The following RNF2 variants were observed in gnomAD, a reference collection of about 807,000 sequenced individuals.
RNF2 encodes the protein ring finger protein 2.
Under a neutral mutation model 37.2 loss-of-function variants are expected in RNF2, and 6 were observed. That is an observed-to-expected ratio of 0.16 (90% confidence interval 0.09 to 0.32). The LOEUF (loss-of-function observed/expected upper bound fraction) is 0.32, where lower values mean the gene tolerates loss of function less well. RNF2 is among the 10% of genes least tolerant of loss of function. The pLI is 1.00. For synonymous variants in RNF2, 133 were observed against 132.7 expected, an observed-to-expected ratio of 1.00 and a Z score of -0.02; for missense variants, 251 against 404.0, an observed-to-expected ratio of 0.62 and a Z score of 3.25.
intron 1 of RNF2, among the ~76,000 whole-genome samples, chr1:185,072,959 C>T (rs1050343640): frequency 2.6e-5 from 4 of 151,658 alleles, no homozygotes; most frequent in Non-Finnish European, 5.9e-5. Context: ...AACAAAAAAA[C>T]ATAGTGAACA....
At chr1:185,058,436 A>G (rs1000931449) in intron 1 of RNF2, among the ~76,000 whole-genome samples, 2 of 152,170 alleles carry the variant, frequency 1.3e-5, no homozygotes, top group African/African-American at 4.8e-5. Context: ...CCTTACTTTC[A>G]TCAGATTCTT....
At chr1:185,091,865 G>C (rs1461637540) in intron 3 of RNF2, 126 bp downstream of exon 3, 3 of 872,326 alleles carry the variant, frequency 3.4e-6, no homozygotes, top group African/African-American at 1.7e-5. Context: ...GCCCAGGCTG[G>C]AGTGCAATGG....
At chr1:185,074,817 T>C (rs533402825) in intron 1 of RNF2, among the ~76,000 whole-genome samples, 421 of 152,304 alleles carry the variant, frequency 2.8e-3, no homozygotes, top group Non-Finnish European at 4.4e-3. Flanking sequence ...CTAGAGATGA[T>C]TTAAAGTACA....
chr1:185,072,485 A>T (rs1028618197), intron 1 of RNF2, among the ~76,000 whole-genome samples: 6 of 152,142 alleles, frequency 3.9e-5, no homozygotes, highest in Admixed American at 3.9e-4. Flanking sequence ...AGAACGTGAG[A>T]TAAAGAATTA....
chr1:185,052,706 T>C (rs1650305993), intron 1 of RNF2, among the ~76,000 whole-genome samples: 2 of 152,224 alleles, frequency 1.3e-5, no homozygotes, highest in South Asian at 4.1e-4. Flanking sequence ...GTAAGTTTTT[T>C]TAAAAAATGA....
intron 1 of RNF2, among the ~76,000 whole-genome samples, 159 bp downstream of exon 1, chr1:185,045,808 C>A (rs1650096655): frequency 6.6e-6 from 1 of 152,164 alleles, no homozygotes; most frequent in Non-Finnish European, 1.5e-5. Flanking sequence ...CCGCCCCCGG[C>A]CGCTCTCGCG....
chr1:185,082,464 C>A (rs1168636289), intron 1 of RNF2, among the ~76,000 whole-genome samples: 1 of 151,352 alleles, frequency 6.6e-6, no homozygotes, highest in Non-Finnish European at 1.5e-5. Flanking sequence ...GATCCTCCTG[C>A]CTCAGCCCCC....
chr1:185,068,654 T>TATTG lies in RNF2; in HGVS notation c.-2-18896_-2-18893dup, dbSNP rs558295172. Among the ~76,000 whole-genome samples the TATTG allele has an allele frequency of 8.9e-4, 135 of 152,370 alleles. No individual in the cohort carries two copies. The East Asian group carries it at 0.016, about 18-fold the overall frequency. The stretch of plus-strand genomic sequence containing the variant: ...CAGTACTTTTATTTTGGCCCAGTGA[T>TATTG]ATTGAATTAGGACTTCTGGCCTTCA... On this transcript the variant is annotated intron_variant, in intron 1 of 6. Coordinates refer to ENST00000367510, the MANE Select transcript of RNF2 (RefSeq NM_007212.4).
chr1:185,082,291 C>T (rs143117823), intron 1 of RNF2, among the ~76,000 whole-genome samples: 14 of 150,544 alleles, frequency 9.3e-5, no homozygotes, highest in East Asian at 2.0e-4. Flanking sequence ...TGTCAACTTC[C>T]GCTGGCTGGT....
At chr1:185,074,066 C>T (rs1299170632) in intron 1 of RNF2, among the ~76,000 whole-genome samples, 1 of 152,188 alleles carries the variant, frequency 6.6e-6, no homozygotes, top group Non-Finnish European at 1.5e-5. Context: ...TCACAGAACT[C>T]AGAAAAGCAT....
chr1:185,070,921 G>C (rs1172839778), intron 1 of RNF2, among the ~76,000 whole-genome samples: 1 of 152,184 alleles, frequency 6.6e-6, no homozygotes, highest in Non-Finnish European at 1.5e-5. Context: ...ACAGGCGTGA[G>C]CCACTGCACC....
At position 185,100,447 on chromosome 1, in the gene RNF2, C is replaced by T; in HGVS notation, c.*146C>T. ...CCAGACTAGTTTACGCTATTCAAATCTTTTCCCCTTTATTTAAGATTTCCT... is the reference window on the plus strand; with the variant it reads ...CCAGACTAGTTTACGCTATTCAAATTTTTTCCCCTTTATTTAAGATTTCCT... On this transcript the variant is annotated 3_prime_UTR_variant, in exon 7 of 7. Coordinates refer to ENST00000367510, the MANE Select transcript of RNF2 (RefSeq NM_007212.4). 9.2e-6 allele frequency: 4 copies of T among 434,542 alleles called. No individual in the cohort carries two copies. Among genetic ancestry groups the T allele is most frequent in the Non-Finnish European group, 1.6e-5 (4 of 242,770 alleles). The allele number at this position is 434,542 out of a possible 1,614,324, so 26.9% of individuals were successfully genotyped here. A position where few individuals can be genotyped will look rare whatever the true frequency, so the allele number is the denominator to read the frequency against.
In RNF2 at chr1:185,092,392, G is replaced by T. The variant is rs563836438; in HGVS notation, c.248+653G>T. On this transcript the variant is annotated intron_variant, in intron 3 of 6. Coordinates refer to ENST00000367510, the MANE Select transcript of RNF2 (RefSeq NM_007212.4). Reference sequence around the variant, plus strand: ...GGCTTTCACTGTGTTGGTCAGGCTGGTCTTGAACTCCTGACCTCGTGATCC... The same window carrying T: ...GGCTTTCACTGTGTTGGTCAGGCTGTTCTTGAACTCCTGACCTCGTGATCC... Among the ~76,000 whole-genome samples, 384 of 150,728 alleles carry T rather than the reference G, an allele frequency of 2.5e-3. 3 individuals are homozygous for T. Among genetic ancestry groups the T allele is most frequent in the African/African-American group, 8.9e-3 (365 of 41,004 alleles).
intron 1 of RNF2, among the ~76,000 whole-genome samples, chr1:185,060,573 G>C (rs1650568805): frequency 6.6e-6 from 1 of 152,208 alleles, no homozygotes; most frequent in East Asian, 1.9e-4. Context: ...ATAAGAATGT[G>C]ATGAATTTAG....
chr1:185,092,894 C>G (rs374264610), intron 3 of RNF2, among the ~76,000 whole-genome samples, 167 bp from the exon 4 acceptor site: 6 of 152,102 alleles, frequency 3.9e-5, no homozygotes, highest in African/African-American at 1.2e-4. Context: ...ATCTTGCTTA[C>G]CCACTAGTCA....
At chr1:185,046,923 T>G (rs1290588954) in intron 1 of RNF2, among the ~76,000 whole-genome samples, 1 of 152,220 alleles carries the variant, frequency 6.6e-6, no homozygotes, top group African/African-American at 2.4e-5. Context: ...AGAGTTTGCT[T>G]CTTATAGTGA....
chr1:185,098,035 A>C, intron 4 of RNF2, 37 bp from the exon 5 acceptor site: 1 of 1,602,470 alleles, frequency 6.2e-7, no homozygotes, highest in Non-Finnish European at 8.5e-7. Context: ...AAGGCCTAAA[A>C]GTAAATTTTA....
At chr1:185,094,959 C>G (rs1651871202) in intron 4 of RNF2, among the ~76,000 whole-genome samples, 1 of 152,158 alleles carries the variant, frequency 6.6e-6, no homozygotes, top group African/African-American at 2.4e-5. Flanking sequence ...TAGGCATCAT[C>G]CCGGTCCCAG....
intron 1 of RNF2, among the ~76,000 whole-genome samples, chr1:185,063,292 A>C (rs1650666734): frequency 6.6e-6 from 1 of 152,202 alleles, no homozygotes; most frequent in South Asian, 2.1e-4. Context: ...CTGGCTTTTA[A>C]ACTGGGGGTG....
Sources: allele counts gnomAD v4.1 joint callset (sites outside exome capture counted in the v4.1 genomes callset), GRCh38; gene constraint gnomAD v4.1.1; transcripts MANE v1.5; gene names NCBI Gene and HGNC (gene_info 2026-07-23, HGNC 2026-07-21).